ITGA1: variants seen among roughly 807,000 people sequenced by gnomAD.
ITGA1 encodes integrin subunit alpha 1.
In ITGA1, 85 loss-of-function variants were observed where a neutral mutation model predicts 145.9. That is an observed-to-expected ratio of 0.58 (90% confidence interval 0.49 to 0.70). The LOEUF (loss-of-function observed/expected upper bound fraction) is 0.70, where lower values mean the gene tolerates loss of function less well. Ranked by LOEUF, ITGA1 falls within the 30% of genes least tolerant of loss-of-function variation. The pLI is 0.00. For synonymous variants in ITGA1, 520 were observed against 495.3 expected (o/e 1.05, Z -0.66); for missense variants, 1,351 against 1,418.7 (o/e 0.95, Z 0.77).
intron 6 of ITGA1, among the ~76,000 whole-genome samples, chr5:52,871,268 C>G (rs1471525094): frequency 6.6e-6 from 1 of 151,764 alleles, no homozygotes; most frequent in Non-Finnish European, 1.5e-5. Flanking sequence ...TTTGGTACAG[C>G]CTAAATTAAA....
At chr5:52,911,160 G>A (rs1201283463) in intron 14 of ITGA1, among the ~76,000 whole-genome samples, 5 of 135,444 alleles carry the variant, frequency 3.7e-5, no homozygotes, top group African/African-American at 1.3e-4. Context: ...TATATATAGT[G>A]TATATAGAGT....
chr5:52,936,796 T>C (rs1387056579), intron 23 of ITGA1, among the ~76,000 whole-genome samples: 3 of 152,022 alleles, frequency 2.0e-5, no homozygotes, highest in Admixed American at 2.0e-4. Flanking sequence ...GAGACTGAGA[T>C]GAAAGTAAAT....
At position 52,818,555 on chromosome 5, in the gene ITGA1, T is replaced by G. The variant is rs78816167; in HGVS notation, c.61+30141T>G. On this transcript the variant is annotated intron_variant, in intron 1 of 28. Coordinates refer to ENST00000282588, the MANE Select transcript of ITGA1 (RefSeq NM_181501.2). ...GCTTAGCCCTCAGTGGTTTTGTAACTATTTCCCGCATTCACCTTAAACAAT... is the reference window on the plus strand; with the variant it reads ...GCTTAGCCCTCAGTGGTTTTGTAACGATTTCCCGCATTCACCTTAAACAAT... Among the ~76,000 whole-genome samples the G allele has an allele frequency of 9.9e-4, 151 of 152,338 alleles. 2 individuals are homozygous for G. The East Asian group carries it at 0.028, about 28-fold the overall frequency.
intron 8 of ITGA1, among the ~76,000 whole-genome samples, chr5:52,893,005 C>T (rs1406740529): frequency 6.6e-5 from 10 of 151,240 alleles, no homozygotes; most frequent in Non-Finnish European, 1.3e-4. Context: ...ATAAACCTTA[C>T]CTTAAAAAAA....
chr5:52,850,071 C>G (rs112914393), intron 2 of ITGA1, among the ~76,000 whole-genome samples: 120 of 150,352 alleles, frequency 8.0e-4, no homozygotes, highest in African/African-American at 2.8e-3. Flanking sequence ...GGAGCGATCT[C>G]AGCTCACTGC....
At chr5:52,888,038 A>C (rs1228746024) in intron 8 of ITGA1, 73 bp downstream of exon 8, 1 of 1,447,734 alleles carries the variant, frequency 6.9e-7, no homozygotes, top group East Asian at 2.3e-5. Context: ...GGGTAATTTT[A>C]TGAAAGTCAC....
rs1466425439 is a variant in ITGA1, at chr5:52,865,011, A to G, written c.425A>G (p.His142Arg). 1.9e-6 allele frequency: 3 copies of G among 1,613,882 alleles called. No homozygotes were observed. Among genetic ancestry groups the G allele is most frequent in the Admixed American group, 3.3e-5 (2 of 60,000 alleles). ...TATGCCTATAGATGTGGACATTTGC[A>G]TTACACAACTGGAATCTGTTCTGAC... The part of the protein sequence containing the change: ...PLYAYRCGHL[H>R]YTTGICSDVS... Residue 142 changes from histidine to arginine, a missense_variant, in exon 5 of 29, where the codon CAT becomes CGT. Coordinates refer to ENST00000282588, the MANE Select transcript of ITGA1 (RefSeq NM_181501.2).
rs2111869504 is a variant in ITGA1 at position 52,918,860 on chromosome 5, T to C, written c.2117T>C (p.Val706Ala). 6.2e-7 allele frequency: 1 copy of C among 1,605,094 alleles called. No individual in the cohort carries two copies. Among genetic ancestry groups the C allele is most frequent in the East Asian group, 2.2e-5 (1 of 44,732 alleles). The change falls in exon 16 of 29, where the codon GTG becomes GCG. Residue 706 changes from valine to alanine, a missense_variant. Val to Ala is a moderately conservative substitution (Grantham distance 64). Coordinates refer to ENST00000282588, the MANE Select transcript of ITGA1 (RefSeq NM_181501.2). ...ATAAATGCTACAGTGTGTTTTGATG[T>C]GAAATTAAAGTCTAAAGAAGACACG... ...VCINATVCFD[V>A]KLKSKEDTIY...
intron 2 of ITGA1, among the ~76,000 whole-genome samples, chr5:52,856,887 T>G (rs746256418): frequency 2.6e-5 from 4 of 152,176 alleles, no homozygotes; most frequent in Admixed American, 6.5e-5. Context: ...GTCCCTCAAC[T>G]GGGGCTGGAG....
chr5:52,813,463 T>C (rs1748715341), intron 1 of ITGA1, among the ~76,000 whole-genome samples: 1 of 152,096 alleles, frequency 6.6e-6, no homozygotes, highest in African/African-American at 2.4e-5. Flanking sequence ...AGGAACCAAG[T>C]CTGATAATAC....
intron 2 of ITGA1, among the ~76,000 whole-genome samples, chr5:52,856,929 A>T (rs946562915): frequency 2.0e-5 from 3 of 152,152 alleles, no homozygotes; most frequent in African/African-American, 7.2e-5. Context: ...CACGAGTGGA[A>T]GTTCATGCTG....
chr5:52,870,730 A>C (rs920908380), intron 6 of ITGA1, among the ~76,000 whole-genome samples: 1 of 152,208 alleles, frequency 6.6e-6, no homozygotes, highest in Non-Finnish European at 1.5e-5. Flanking sequence ...CTCAAAAGCA[A>C]GAGCCAGTGT....
chr5:52,868,522 T>C (rs1008976070), intron 6 of ITGA1, among the ~76,000 whole-genome samples: 8 of 152,240 alleles, frequency 5.3e-5, no homozygotes, highest in Admixed American at 2.0e-4. Flanking sequence ...GGAGCTATTC[T>C]GCCTGTCCAC....
intron 1 of ITGA1, among the ~76,000 whole-genome samples, chr5:52,819,996 T>G (rs1406485881): frequency 6.6e-6 from 1 of 152,106 alleles, no homozygotes; most frequent in Non-Finnish European, 1.5e-5. Flanking sequence ...TTCTGTTCCA[T>G]TGGTCTATAT....
chr5:52,908,373 G>A (rs1750443781), intron 12 of ITGA1, among the ~76,000 whole-genome samples: 1 of 152,102 alleles, frequency 6.6e-6, no homozygotes, highest in Non-Finnish European at 1.5e-5. Flanking sequence ...TGATACCCCT[G>A]CAATCCTTCC....
chr5:52,855,566 T>C (rs1749500088), intron 2 of ITGA1, among the ~76,000 whole-genome samples: 1 of 152,184 alleles, frequency 6.6e-6, no homozygotes, highest in Non-Finnish European at 1.5e-5. Flanking sequence ...GGAGCTTATA[T>C]TCTACTGGGG....
At chr5:52,898,731 C>A (rs955026018) in intron 11 of ITGA1, among the ~76,000 whole-genome samples, 4 of 152,066 alleles carry the variant, frequency 2.6e-5, no homozygotes, top group African/African-American at 9.7e-5. Flanking sequence ...GAAAAGGAAA[C>A]CTCGACTTCT....
intron 16 of ITGA1, 115 bp from the exon 17 acceptor site, chr5:52,920,217 C>A: frequency 1.3e-6 from 1 of 771,958 alleles, no homozygotes; most frequent in Non-Finnish European, 2.0e-6. Context: ...ACAATAGAAT[C>A]TTTTTTGATT....
At chr5:52,886,704 A>C (rs1448828782) in intron 7 of ITGA1, among the ~76,000 whole-genome samples, 2 of 152,240 alleles carry the variant, frequency 1.3e-5, no homozygotes, top group Admixed American at 6.5e-5. Flanking sequence ...ATACAAAACA[A>C]AAATTTTCCA....
Sources: gnomAD v4.1 joint callset for allele counts (sites outside exome capture counted in the v4.1 genomes callset) on GRCh38, gnomAD v4.1.1 for gene constraint, MANE v1.5 for transcripts, NCBI Gene and HGNC (gene_info 2026-07-23, HGNC 2026-07-21) for gene names.